Variants in DCAF5 observed in about 807,000 individuals in gnomAD.
DCAF5 encodes DDB1 and CUL4 associated factor 5.
Under a neutral mutation model 80.7 loss-of-function variants are expected in DCAF5, and 9 were observed. The observed-to-expected ratio is 0.11, with a 90% CI of 0.07 to 0.19. The LOEUF (loss-of-function observed/expected upper bound fraction) is 0.19, where lower values mean the gene tolerates loss of function less well. Ranked by LOEUF, DCAF5 falls within the 10% of genes least tolerant of loss-of-function variation. The pLI, the probability that DCAF5 is intolerant of heterozygous loss-of-function variation, is 1.00. For missense variants in DCAF5, 842 were observed against 1,205.7 expected, an observed-to-expected ratio of 0.70 and a Z score of 4.47; for synonymous variants, 433 against 461.9, an observed-to-expected ratio of 0.94 and a Z score of 0.80.
At chr14:69,062,346 G>A in intron 8 of DCAF5, 38 bp downstream of exon 8, 2 of 1,604,146 alleles carry the variant, frequency 1.2e-6, no homozygotes, top group South Asian at 2.2e-5. Flanking sequence ...TAAATTGTGA[G>A]AATTTCTCTA....
chr14:69,122,416 G>A, intron 1 of DCAF5, 56 bp from the exon 2 acceptor site: 1 of 1,568,366 alleles, frequency 6.4e-7, no homozygotes, highest in South Asian at 1.1e-5. Flanking sequence ...AAGGCTGACA[G>A]ATGGTTTTGC....
chr14:69,090,742 T>G (rs1041431950), intron 6 of DCAF5: 2 of 180,032 alleles, frequency 1.1e-5, no homozygotes, highest in Admixed American at 1.2e-4. Context: ...AAAATAACTC[T>G]AAAGAGGTGG....
intron 1 of DCAF5, among the ~76,000 whole-genome samples, chr14:69,145,694 A>G (rs2041515305): frequency 6.6e-6 from 1 of 152,206 alleles, no homozygotes; most frequent in Non-Finnish European, 1.5e-5. Context: ...GAGGCAACAA[A>G]AATTGAAAAC....
chr14:69,063,447 A>G (rs1463611202), intron 7 of DCAF5, among the ~76,000 whole-genome samples: 1 of 152,242 alleles, frequency 6.6e-6, no homozygotes, highest in Non-Finnish European at 1.5e-5. Context: ...AAACATGTGC[A>G]TTTGGCTAAC....
chr14:69,149,606 C>A (rs115984610), intron 1 of DCAF5: 1 of 152,178 alleles, frequency 6.6e-6, no homozygotes, highest in African/African-American at 2.4e-5. Context: ...TTAATTCTAT[C>A]AAGTAGTATG....
At chr14:69,144,436 G>T (rs1203444789) in intron 1 of DCAF5, among the ~76,000 whole-genome samples, 1 of 151,992 alleles carries the variant, frequency 6.6e-6, no homozygotes, top group African/African-American at 2.4e-5. Flanking sequence ...GCTGGGCGTG[G>T]TGGCGGGTGC....
intron 7 of DCAF5, among the ~76,000 whole-genome samples, chr14:69,071,929 G>A (rs2038709086): frequency 6.6e-6 from 1 of 152,192 alleles, no homozygotes; most frequent in Admixed American, 6.5e-5. Flanking sequence ...AAAACAGGAG[G>A]AGTTAAAACC....
intron 5 of DCAF5, among the ~76,000 whole-genome samples, chr14:69,104,815 C>A (rs2040078209): frequency 6.6e-6 from 1 of 151,686 alleles, no homozygotes; most frequent in African/African-American, 2.4e-5. Context: ...CAAGATAGCG[C>A]CATTGCACTC....
At chr14:69,056,331 A>C (rs1007794573) in intron 8 of DCAF5, among the ~76,000 whole-genome samples, 64 of 152,134 alleles carry the variant, frequency 4.2e-4, no homozygotes, top group African/African-American at 1.5e-3. Context: ...CACATGCCCC[A>C]AGGACAGGTA....
chr14:69,068,595 G>A (rs954630365), intron 7 of DCAF5, among the ~76,000 whole-genome samples: 5 of 151,858 alleles, frequency 3.3e-5, no homozygotes, highest in African/African-American at 4.8e-5. Flanking sequence ...CTACTCAGGA[G>A]GCTGAGGCAG....
intron 6 of DCAF5, chr14:69,083,693 T>C: frequency 3.2e-6 from 2 of 633,510 alleles, no homozygotes; most frequent in Non-Finnish European, 5.8e-6. Flanking sequence ...GAAGCAGCAA[T>C]GCAGTCTCCT....
At chr14:69,059,092 C>T (rs1264791519) in intron 8 of DCAF5, among the ~76,000 whole-genome samples, 1 of 152,018 alleles carries the variant, frequency 6.6e-6, no homozygotes, top group Admixed American at 6.6e-5. Flanking sequence ...GATCATGATA[C>T]GCTTTTATTT....
intron 1 of DCAF5, 131 bp from the exon 2 acceptor site, chr14:69,122,491 C>CA (rs1455268131): frequency 3.4e-5 from 31 of 924,044 alleles, no homozygotes; most frequent in Non-Finnish European, 4.9e-5. Context: ...GCATGGAGCA[C>CA]AAAAACCCAG....
intron 2 of DCAF5, among the ~76,000 whole-genome samples, chr14:69,121,721 G>A (rs182573368): frequency 2.0e-5 from 3 of 152,298 alleles, no homozygotes; most frequent in Non-Finnish European, 4.4e-5. Flanking sequence ...GAGTATGGTT[G>A]ATGGAAGCCA....
intron 5 of DCAF5, among the ~76,000 whole-genome samples, chr14:69,100,976 T>C (rs1566754453): frequency 1.3e-5 from 2 of 152,350 alleles, no homozygotes; most frequent in East Asian, 3.9e-4. Flanking sequence ...AGTTCTTCAG[T>C]AAATTTAATT....
chr14:69,111,491 T>C (rs2040363930), intron 5 of DCAF5, among the ~76,000 whole-genome samples: 1 of 152,208 alleles, frequency 6.6e-6, no homozygotes, highest in Admixed American at 6.5e-5. Context: ...AAGACACTGT[T>C]ATCTGTCATA....
intron 1 of DCAF5, among the ~76,000 whole-genome samples, chr14:69,141,594 A>T (rs2041375898): frequency 6.6e-6 from 1 of 152,176 alleles, no homozygotes; most frequent in Non-Finnish European, 1.5e-5. Context: ...TAATAATTAC[A>T]CTGGGACAAT....
Position 69,136,264 on chromosome 14 carries a change from C to T in DCAF5, c.215-13904G>A, listed in dbSNP as rs534815442. 1.6e-4 allele frequency among the ~76,000 whole-genome samples: 25 copies of T among 151,984 alleles called. No individual in the cohort carries two copies. In the East Asian group the frequency reaches 2.3e-3, roughly 14 times the overall value. ...CAGAGTAGTTGAGACTACAGGTGCA[C>T]ATCACCATGCCTGGCTAATTGTTTT... On this transcript the variant is annotated intron_variant, in intron 1 of 8. Coordinates refer to ENST00000341516, the MANE Select transcript of DCAF5 (RefSeq NM_003861.3).
chr14:69,077,896 G>A (rs1345390027), intron 6 of DCAF5, among the ~76,000 whole-genome samples: 1 of 152,194 alleles, frequency 6.6e-6, no homozygotes, highest in Non-Finnish European at 1.5e-5. Context: ...GCTATCTATA[G>A]GGATTAGGTA....
Sources: allele counts gnomAD v4.1 joint callset (sites outside exome capture counted in the v4.1 genomes callset), GRCh38; gene constraint gnomAD v4.1.1; transcripts MANE v1.5; gene names NCBI Gene and HGNC (gene_info 2026-07-23, HGNC 2026-07-21).